The following TRAPPC13 variants were observed in gnomAD, a reference collection of about 807,000 sequenced individuals.
TRAPPC13 encodes trafficking protein particle complex subunit 13.
Under a neutral mutation model 54.0 loss-of-function variants are expected in TRAPPC13, and 39 were observed. The observed-to-expected ratio is 0.72, with a 90% CI of 0.56 to 0.94. The LOEUF is 0.94. Among genes scored for constraint, TRAPPC13 ranks in the 40% least tolerant of loss-of-function variants. The pLI is 0.00. For synonymous variants in TRAPPC13, 148 were observed against 167.7 expected, an observed-to-expected ratio of 0.88 and a Z score of 0.91; for missense variants, 386 against 488.1, an observed-to-expected ratio of 0.79 and a Z score of 1.97.
intron 1 of TRAPPC13, chr5:65,629,367 A>C: frequency 1.2e-6 from 1 of 848,088 alleles, no homozygotes; most frequent in Non-Finnish European, 1.6e-6. Flanking sequence ...AAAATACCAC[A>C]TTGGGATTGG....
At chr5:65,634,851 A>T (rs1343945001) in intron 1 of TRAPPC13, 1 of 389,850 alleles carries the variant, frequency 2.6e-6, no homozygotes, top group Admixed American at 6.4e-5. Flanking sequence ...GTGAGCCGAG[A>T]TCGCACCACT....
intron 6 of TRAPPC13, among the ~76,000 whole-genome samples, chr5:65,651,721 G>A (rs2150684128): frequency 2.2e-5 from 2 of 90,062 alleles, no homozygotes; most frequent in African/African-American, 8.4e-5. Flanking sequence ...TACTGTATAT[G>A]GTTTTTTTCA....
chr5:65,652,793 C>T (rs1183045369), intron 7 of TRAPPC13: 3 of 478,476 alleles, frequency 6.3e-6, no homozygotes, highest in South Asian at 2.3e-5. Context: ...CATCTCCTTT[C>T]GTTAAATGAT....
chr5:65,628,189 C>A (rs764822524), intron 1 of TRAPPC13, among the ~76,000 whole-genome samples: 1 of 152,108 alleles, frequency 6.6e-6, no homozygotes, highest in Non-Finnish European at 1.5e-5. Flanking sequence ...TTTGGGGCAA[C>A]TTGAGGACTT....
intron 7 of TRAPPC13, among the ~76,000 whole-genome samples, chr5:65,655,097 T>A (rs1422740272): frequency 6.6e-6 from 1 of 152,206 alleles, no homozygotes; most frequent in Non-Finnish European, 1.5e-5. Context: ...AGGCTAACTA[T>A]GAAATCTACT....
At chr5:65,659,067 A>G (rs555519117) in intron 9 of TRAPPC13, among the ~76,000 whole-genome samples, 59 of 152,280 alleles carry the variant, frequency 3.9e-4, no homozygotes, top group Non-Finnish European at 6.9e-4. Flanking sequence ...ATGAAATGAT[A>G]TTGACACTGA....
At chr5:65,627,641 G>C (rs566278901) in intron 1 of TRAPPC13, among the ~76,000 whole-genome samples, 1 of 149,280 alleles carries the variant, frequency 6.7e-6, no homozygotes, top group South Asian at 2.1e-4. Flanking sequence ...AAAAAAAAAA[G>C]TCATCCCTTG....
intron 9 of TRAPPC13, 73 bp from the exon 10 acceptor site, chr5:65,660,626 A>G (rs1756814848): frequency 3.9e-6 from 5 of 1,275,532 alleles, no homozygotes; most frequent in Non-Finnish European, 5.3e-6. Context: ...ATCCAAAGGA[A>G]CAATCACAGC....
chr5:65,633,436 A>G (rs1755622480), intron 1 of TRAPPC13, among the ~76,000 whole-genome samples: 1 of 152,034 alleles, frequency 6.6e-6, no homozygotes, highest in South Asian at 2.1e-4. Context: ...GCCCGCCACC[A>G]TGCTAGGCTA....
rs10040083 is a variant in TRAPPC13, at chr5:65,643,964, C to A, written c.301-3091C>A. ...AGGAAGTTCTTGTGGGTACAATATT[C>A]TCTGAGCCCTTGTTCAAAGATGTTT... On this transcript the variant is annotated intron_variant, in intron 4 of 12. Coordinates refer to ENST00000399438, the MANE Select transcript of TRAPPC13 (RefSeq NM_024941.4). Among the ~76,000 whole-genome samples, 452 of 151,608 alleles carry A rather than the reference C, an allele frequency of 3.0e-3. 5 individuals carry two copies. The highest frequency in any genetic ancestry group is 0.011 in the African/African-American group (436 of 41,366).
At chr5:65,627,463 C>T (rs1755296399) in intron 1 of TRAPPC13, among the ~76,000 whole-genome samples, 1 of 151,874 alleles carries the variant, frequency 6.6e-6, no homozygotes, top group Non-Finnish European at 1.5e-5. Flanking sequence ...AACCCCGTCT[C>T]TACTGAAAAT....
intron 1 of TRAPPC13, 58 bp from the exon 2 acceptor site, chr5:65,635,243 G>A: frequency 7.1e-7 from 1 of 1,417,876 alleles, no homozygotes. Context: ...CTAGACTTGA[G>A]AATATTAACC....
chr5:65,652,818 A>G (rs1756518635), intron 7 of TRAPPC13: 4 of 438,964 alleles, frequency 9.1e-6, no homozygotes, highest in Non-Finnish European at 1.7e-5. Flanking sequence ...CTCTCATTCC[A>G]TTTAATGGTG....
chr5:65,637,645 A>G, intron 3 of TRAPPC13, 51 bp from the exon 4 acceptor site: 17 of 1,159,736 alleles, frequency 1.5e-5, no homozygotes, highest in Admixed American at 4.8e-5. Context: ...AAAAAAAAAA[A>G]GAAAAAAAAC....
intron 10 of TRAPPC13, chr5:65,661,687 T>C (rs1756858199): frequency 6.2e-6 from 1 of 160,684 alleles, no homozygotes; most frequent in Admixed American, 6.5e-5. Context: ...CATCCCCCTC[T>C]TTCTTTAGAA....
rs922207773 is a variant in TRAPPC13, at chr5:65,632,571, G to C, written c.47-2730G>C. On this transcript the variant is annotated intron_variant, in intron 1 of 12. Transcript: ENST00000399438. ...GTGAAATCACCAGGGTTCAAATCTAGATTCTACCACTTATCTACTAATATA... is the reference window on the plus strand; with the variant it reads ...GTGAAATCACCAGGGTTCAAATCTACATTCTACCACTTATCTACTAATATA... Among the ~76,000 whole-genome samples, 14 of 152,222 alleles carry C rather than the reference G, an allele frequency of 9.2e-5. No individual in the cohort carries two copies. In the East Asian group the frequency reaches 2.7e-3, roughly 29 times the overall value.
At chr5:65,650,918 G>A (rs1756406705) in intron 6 of TRAPPC13, 36 bp downstream of exon 6, 1 of 1,452,598 alleles carries the variant, frequency 6.9e-7, no homozygotes, top group African/African-American at 1.4e-5. Flanking sequence ...GTTTTTATAT[G>A]CCTTTTTCTT....
intron 1 of TRAPPC13, among the ~76,000 whole-genome samples, chr5:65,631,073 A>G (rs1015881063): frequency 6.6e-6 from 1 of 152,352 alleles, no homozygotes; most frequent in East Asian, 1.9e-4. Flanking sequence ...AGAAGCATGT[A>G]TGTTTGTTTA....
intron 4 of TRAPPC13, among the ~76,000 whole-genome samples, chr5:65,638,732 C>A (rs1256107751): frequency 6.6e-6 from 1 of 152,260 alleles, no homozygotes; most frequent in East Asian, 1.9e-4. Context: ...TCATGTCTCA[C>A]GTGGATGGCA....
Sources: gnomAD v4.1 joint callset for allele counts (sites outside exome capture counted in the v4.1 genomes callset) on GRCh38, gnomAD v4.1.1 for gene constraint, MANE v1.5 for transcripts, NCBI Gene and HGNC (gene_info 2026-07-23, HGNC 2026-07-21) for gene names.